Variants in NPFFR2 observed in about 807,000 individuals in gnomAD.
NPFFR2 encodes G-protein coupled receptor 74.
NPFFR2 carries 15 observed loss-of-function variants against 13.1 expected under a neutral mutation model. The observed-to-expected ratio is 1.15, with a 90% CI of 0.77 to 1.76. NPFFR2 has a LOEUF of 1.76. NPFFR2 is among the 40% of genes most tolerant of loss of function. The pLI, the probability that NPFFR2 is intolerant of heterozygous loss-of-function variation, is 0.00. For missense variants in NPFFR2, 572 were observed against 503.5 expected, an observed-to-expected ratio of 1.14 and a Z score of -1.30; for synonymous variants, 190 against 175.7, an observed-to-expected ratio of 1.08 and a Z score of -0.65.
intron 2 of NPFFR2, among the ~76,000 whole-genome samples, chr4:72,134,134 G>A (rs367602327): frequency 1.7e-4 from 26 of 152,028 alleles, no homozygotes; most frequent in African/African-American, 5.5e-4. Context: ...GTATGGTGGC[G>A]TGCACCTGTA....
chr4:72,074,176 A>G (rs1231489652), intron 1 of NPFFR2, among the ~76,000 whole-genome samples: 3 of 152,080 alleles, frequency 2.0e-5, no homozygotes, highest in East Asian at 3.9e-4. Context: ...GCTAACCAAG[A>G]TGGTTATTAG....
At chr4:72,058,965 A>G (rs988033238) in intron 1 of NPFFR2, among the ~76,000 whole-genome samples, 1 of 152,130 alleles carries the variant, frequency 6.6e-6, no homozygotes, top group Non-Finnish European at 1.5e-5. Flanking sequence ...AAATAAGCCT[A>G]TCAAGTGCAG....
intron 1 of NPFFR2, among the ~76,000 whole-genome samples, chr4:72,122,417 A>C (rs1721909327): frequency 1.3e-5 from 2 of 152,178 alleles, no homozygotes; most frequent in Non-Finnish European, 2.9e-5. Flanking sequence ...AGACATCTAC[A>C]GAACTCTCCA....
chr4:72,073,245 GAT>G (rs1391753521), intron 1 of NPFFR2, among the ~76,000 whole-genome samples: 4 of 151,942 alleles, frequency 2.6e-5, no homozygotes, highest in African/African-American at 9.7e-5. Flanking sequence ...TTAGGGAATG[GAT>G]ACCCCATTTT....
intron 1 of NPFFR2, among the ~76,000 whole-genome samples, chr4:72,087,988 A>G (rs932594946): frequency 1.1e-4 from 16 of 152,104 alleles, no homozygotes; most frequent in African/African-American, 3.9e-4. Flanking sequence ...TGGGAGGTCA[A>G]GAAAGCCAAA....
Position 72,132,130 on chromosome 4 carries a change from G to T in NPFFR2, c.328+3211G>T, listed in dbSNP as rs199550202. Among the ~76,000 whole-genome samples the T allele has an allele frequency of 2.8e-3, 379 of 134,796 alleles. 3 individuals are homozygous for T. The highest frequency in any genetic ancestry group is 0.011 in the African/African-American group (344 of 31,340). The allele number at this position is 134,796 out of a possible 152,430, so 88.4% of individuals were successfully genotyped here. A position where few individuals can be genotyped will look rare whatever the true frequency, so the allele number is the denominator to read the frequency against. ...CAGGTATTAAGCCTAGTACCCATTG[G>T]TTTTTTTTTTTTCCTGAGTCTCTTC... On this transcript the variant is annotated intron_variant, in intron 2 of 3. Coordinates refer to ENST00000308744, the MANE Select transcript of NPFFR2 (RefSeq NM_004885.3).
At chr4:72,068,638 G>A (rs78196276) in intron 1 of NPFFR2, among the ~76,000 whole-genome samples, 4,175 of 152,058 alleles carry the variant, frequency 0.027, 209 homozygotes, top group African/African-American at 0.094. Flanking sequence ...CAGTAAATAC[G>A]GTTGAATGAA....
chr4:72,055,423 G>A (rs1719718110), intron 1 of NPFFR2, among the ~76,000 whole-genome samples: 1 of 152,110 alleles, frequency 6.6e-6, no homozygotes, highest in South Asian at 2.1e-4. Context: ...TAAGTGTTGT[G>A]TGTATTCTGA....
chr4:72,045,819 C>T (rs2109759797), intron 1 of NPFFR2, among the ~76,000 whole-genome samples: 1 of 152,220 alleles, frequency 6.6e-6, no homozygotes, highest in African/African-American at 2.4e-5. Flanking sequence ...TTCACATGAT[C>T]ATAAAGTAGA....
intron 1 of NPFFR2, among the ~76,000 whole-genome samples, chr4:72,046,268 C>T (rs1427141308): frequency 6.6e-6 from 1 of 152,056 alleles, no homozygotes; most frequent in Non-Finnish European, 1.5e-5. Flanking sequence ...AATTTAATTG[C>T]CAATATAATA....
intron 2 of NPFFR2, among the ~76,000 whole-genome samples, chr4:72,136,546 T>C (rs1722418770): frequency 6.6e-6 from 1 of 152,202 alleles, no homozygotes; most frequent in Non-Finnish European, 1.5e-5. Flanking sequence ...GGACTATTCA[T>C]TGGGAAATTC....
intron 3 of NPFFR2, among the ~76,000 whole-genome samples, chr4:72,141,087 T>G (rs62320843): frequency 0.41 from 61,848 of 151,844 alleles, 13,047 homozygotes; most frequent in East Asian, 0.77. Flanking sequence ...TTTGTATTTC[T>G]GTGGGATCAG....
At chr4:72,106,191 G>A (rs558234002) in intron 1 of NPFFR2, among the ~76,000 whole-genome samples, 10 of 152,124 alleles carry the variant, frequency 6.6e-5, no homozygotes, top group African/African-American at 2.4e-4. Context: ...GAACACAGTG[G>A]ACTTGCGTCT....
intron 1 of NPFFR2, among the ~76,000 whole-genome samples, chr4:72,082,915 T>G (rs1186966079): frequency 6.6e-6 from 1 of 152,130 alleles, no homozygotes. Flanking sequence ...TGCAGCACAT[T>G]TCTTTCTGTA....
At chr4:72,044,796 A>G (rs1315783299) in intron 1 of NPFFR2, among the ~76,000 whole-genome samples, 1 of 151,836 alleles carries the variant, frequency 6.6e-6, no homozygotes, top group Non-Finnish European at 1.5e-5. Flanking sequence ...TCTGGATATT[A>G]GTGCCTTTTT....
intron 1 of NPFFR2, among the ~76,000 whole-genome samples, chr4:72,039,796 A>T (rs1018710528): frequency 1.3e-5 from 2 of 152,168 alleles, no homozygotes; most frequent in Admixed American, 6.5e-5. Context: ...TTCAATTTTA[A>T]TGTATGTTGC....
chr4:72,141,247 G>A lies in NPFFR2; in HGVS notation c.428+3108G>A, dbSNP rs572750890. On this transcript the variant is annotated intron_variant, in intron 3 of 3. Coordinates refer to ENST00000308744, the MANE Select transcript of NPFFR2 (RefSeq NM_004885.3). ...ATTAATTTTTTTAAGGGTTTTTTGTGTCTCTATCTCCTTCAGTTCTGCTCT... is the reference window on the plus strand; with the variant it reads ...ATTAATTTTTTTAAGGGTTTTTTGTATCTCTATCTCCTTCAGTTCTGCTCT... 1.1e-4 allele frequency among the ~76,000 whole-genome samples: 16 copies of A among 151,048 alleles called. No individual in the cohort carries two copies. The East Asian group carries it at 3.1e-3, about 29-fold the overall frequency.
At chr4:72,135,490 C>CT (rs1722381061) in intron 2 of NPFFR2, among the ~76,000 whole-genome samples, 2 of 151,816 alleles carry the variant, frequency 1.3e-5, no homozygotes. Context: ...CTCTTTTAAA[C>CT]TTTATGTTGA....
intron 1 of NPFFR2, among the ~76,000 whole-genome samples, chr4:72,056,220 C>CT (rs1456948014): frequency 2.0e-5 from 3 of 152,004 alleles, no homozygotes; most frequent in Non-Finnish European, 4.4e-5. Context: ...CAGCTGGTGA[C>CT]TTTAAGTTGA....
Sources: gnomAD v4.1 joint callset for allele counts (sites outside exome capture counted in the v4.1 genomes callset) on GRCh38, gnomAD v4.1.1 for gene constraint, MANE v1.5 for transcripts, NCBI Gene and HGNC (gene_info 2026-07-23, HGNC 2026-07-21) for gene names.